HIRA: variants seen among roughly 807,000 people sequenced by gnomAD.
HIRA encodes the protein histone cell cycle regulator, also known as protein HIRA.
In HIRA, 13 loss-of-function variants were observed where a neutral mutation model predicts 126.6. The observed-to-expected ratio is 0.10, with a 90% CI of 0.07 to 0.16. The LOEUF is 0.16. Among genes scored for constraint, HIRA ranks in the 10% least tolerant of loss-of-function variants. HIRA has a pLI of 1.00. For synonymous variants in HIRA, 511 were observed against 520.0 expected (o/e 0.98, Z 0.24); for missense variants, 834 against 1,314.4 (o/e 0.63, Z 5.65).
At chr22:19,368,824 T>G (rs1410174294) in intron 15 of HIRA, among the ~76,000 whole-genome samples, 1 of 152,186 alleles carries the variant, frequency 6.6e-6, no homozygotes, top group South Asian at 2.1e-4. Context: ...CACTGGCCCA[T>G]GACATACACT....
intron 10 of HIRA, 148 bp downstream of exon 10, chr22:19,388,336 C>T (rs2058948384): frequency 1.1e-5 from 7 of 610,954 alleles, no homozygotes; most frequent in South Asian, 1.0e-4. Flanking sequence ...TCCCAAATCA[C>T]GTGCAAACAG....
At chr22:19,396,504 G>A (rs984545845) in intron 7 of HIRA, among the ~76,000 whole-genome samples, 36 of 152,286 alleles carry the variant, frequency 2.4e-4, no homozygotes, top group African/African-American at 7.7e-4. Context: ...CAACAAGAGC[G>A]AAACTCTGTC....
intron 15 of HIRA, among the ~76,000 whole-genome samples, chr22:19,368,603 T>C (rs996846851): frequency 7.9e-5 from 12 of 152,218 alleles, no homozygotes; most frequent in African/African-American, 2.7e-4. Flanking sequence ...TATTAGCTTG[T>C]TCTAATTTTT....
At chr22:19,416,393 G>A (rs1246743676) in intron 1 of HIRA, among the ~76,000 whole-genome samples, 2 of 151,406 alleles carry the variant, frequency 1.3e-5, no homozygotes, top group Non-Finnish European at 2.9e-5. Context: ...GTATGATCTT[G>A]GCCCACTGCA....
intron 9 of HIRA, among the ~76,000 whole-genome samples, chr22:19,390,754 C>T (rs1167714298): frequency 1.3e-5 from 2 of 151,916 alleles, no homozygotes; most frequent in Non-Finnish European, 2.9e-5. Context: ...TTCTGTGTGT[C>T]TTTTTCTGTG....
intron 2 of HIRA, 119 bp downstream of exon 2, chr22:19,410,597 A>G: frequency 2.7e-6 from 2 of 733,808 alleles, no homozygotes; most frequent in Admixed American, 2.3e-5. Context: ...TACATTTTAA[A>G]CAGCGTTGCA....
At chr22:19,392,801 T>C (rs5748175) in intron 8 of HIRA, among the ~76,000 whole-genome samples, 4,642 of 152,266 alleles carry the variant, frequency 0.03, 145 homozygotes, top group South Asian at 0.13. Flanking sequence ...AGGTGCTTGG[T>C]TGGCTGCTTA....
intron 15 of HIRA, among the ~76,000 whole-genome samples, chr22:19,370,868 C>G (rs1395655694): frequency 1.3e-5 from 2 of 152,206 alleles, no homozygotes; most frequent in Non-Finnish European, 2.9e-5. Context: ...GATCTTGCTA[C>G]AGCTGTATTT....
At chr22:19,367,009 C>T (rs1291275711) in intron 15 of HIRA, among the ~76,000 whole-genome samples, 1 of 152,154 alleles carries the variant, frequency 6.6e-6, no homozygotes, top group Non-Finnish European at 1.5e-5. Flanking sequence ...ATGAACCACC[C>T]ACCTCGGCCT....
intron 17 of HIRA, among the ~76,000 whole-genome samples, chr22:19,360,093 G>A (rs1569295254): frequency 6.6e-6 from 1 of 152,154 alleles, no homozygotes; most frequent in Non-Finnish European, 1.5e-5. Context: ...TCAGCCACAC[G>A]CGTGTGTGGG....
chr22:19,339,471 T>C (rs2088602182), intron 24 of HIRA, among the ~76,000 whole-genome samples: 1 of 151,994 alleles, frequency 6.6e-6, no homozygotes, highest in South Asian at 2.1e-4. Flanking sequence ...CCCGTCTCTA[T>C]CAAAAATAGA....
At chr22:19,365,725 T>C (rs1402074003) in intron 15 of HIRA, 1 of 152,212 alleles carries the variant, frequency 6.6e-6, no homozygotes, top group African/African-American at 2.4e-5. Context: ...ACAAGGAGCA[T>C]TTTCATCTTT....
intron 13 of HIRA, among the ~76,000 whole-genome samples, chr22:19,380,451 A>G (rs1423063795): frequency 2.0e-5 from 3 of 152,132 alleles, no homozygotes; most frequent in Admixed American, 6.6e-5. Flanking sequence ...CTCATATTCT[A>G]TCATATTCCA....
At chr22:19,365,531 C>T (rs1310330453) in intron 15 of HIRA, among the ~76,000 whole-genome samples, 1 of 152,166 alleles carries the variant, frequency 6.6e-6, no homozygotes, top group Non-Finnish European at 1.5e-5. Context: ...GATGACAGCA[C>T]ATCTGTTTAG....
intron 12 of HIRA, among the ~76,000 whole-genome samples, chr22:19,384,864 A>G (rs1439358557): frequency 6.6e-6 from 1 of 151,326 alleles, no homozygotes; most frequent in Non-Finnish European, 1.5e-5. Flanking sequence ...CATGTTGGCC[A>G]GGCTGGTCGG....
intron 5 of HIRA, among the ~76,000 whole-genome samples, chr22:19,403,546 A>G (rs1005392659): frequency 6.6e-6 from 1 of 152,182 alleles, no homozygotes; most frequent in Non-Finnish European, 1.5e-5. Flanking sequence ...CGGGAGGTGG[A>G]GGTTGCAGTG....
In HIRA at chr22:19,355,814, A is replaced by T. The variant is rs914491938; in HGVS notation, c.2507T>A (p.Val836Glu). The change falls in exon 21 of 25, where the codon GTA (valine) becomes GAA (glutamate). Residue 836 changes from valine to glutamate, a missense_variant. Val to Glu is a moderately radical substitution (Grantham distance 121). Coordinates refer to ENST00000263208, the MANE Select transcript of HIRA (RefSeq NM_003325.4). ...QILLTQHGIPVMNLSDGKAYC... is the reference protein window; with the variant it reads ...QILLTQHGIPEMNLSDGKAYC... Reference sequence around the variant, plus strand: ...CGCCTTCCCATCGGACAGGTTCATTACTGGGATTCCATGCTGCGTCAGCAA... The same window carrying T: ...CGCCTTCCCATCGGACAGGTTCATTTCTGGGATTCCATGCTGCGTCAGCAA... 20 of 1,614,112 alleles carry T rather than the reference A, an allele frequency of 1.2e-5. No homozygotes were observed. The highest frequency in any genetic ancestry group is 1.6e-5 in the Non-Finnish European group (19 of 1,179,972).
At chr22:19,348,963 T>C (rs1556009904) in intron 24 of HIRA, among the ~76,000 whole-genome samples, 1 of 151,374 alleles carries the variant, frequency 6.6e-6, no homozygotes, top group African/African-American at 2.4e-5. Context: ...TTTTTTTTTT[T>C]AGTAGAGTCG....
rs574104092 is a variant in HIRA at position 19,387,758 on chromosome 22, C to T, written c.1066G>A (p.Asp356Asn). 11 of 1,613,944 alleles carry T rather than the reference C, an allele frequency of 6.8e-6. No individual in the cohort carries two copies. In the African/African-American group the frequency reaches 8.0e-5, roughly 12 times the overall value. ...CSMDGSVAFL[D>N]FSQDELGDPL... is the part of the protein sequence containing the mutation. ...TCGCCAAGCTCATCCTGGGAGAAGT[C>T]GAGGAATGCCACAGAGCCGTCCATA... Residue 356 changes from aspartate (D) to asparagine (N), a missense_variant, in exon 11 of 25, where the codon GAC (aspartate) becomes AAC (asparagine). By Grantham distance (23) the Asp-to-Asn change is conservative. This residue lies in a region of HIRA where 153 missense variants were observed against 270.6 expected (regional missense o/e 0.57). Coordinates refer to ENST00000263208, the MANE Select transcript of HIRA (RefSeq NM_003325.4).
Sources: allele counts gnomAD v4.1 joint callset (sites outside exome capture counted in the v4.1 genomes callset), GRCh38; gene constraint gnomAD v4.1.1; regional missense constraint gnomAD v4.1.1; transcripts MANE v1.5; gene names NCBI Gene and HGNC (gene_info 2026-07-23, HGNC 2026-07-21).